GK5: variants seen among roughly 807,000 people sequenced by gnomAD.
GK5 encodes glycerol kinase 5.
GK5 carries 39 observed loss-of-function variants against 77.3 expected under a neutral mutation model. The observed-to-expected ratio is 0.50, with a 90% confidence interval of 0.39 to 0.66. The LOEUF (loss-of-function observed/expected upper bound fraction) is 0.66, where lower values mean the gene tolerates loss of function less well. Among genes scored for constraint, GK5 ranks in the 30% least tolerant of loss-of-function variants. The pLI is 0.00. For missense variants in GK5, 487 were observed against 633.8 expected (o/e 0.77, Z 2.49); for synonymous variants, 211 against 208.0 (o/e 1.01, Z -0.13).
At chr3:142,192,382 T>C (rs1018892678) in intron 5 of GK5, among the ~76,000 whole-genome samples, 1 of 152,240 alleles carries the variant, frequency 6.6e-6, no homozygotes, top group African/African-American at 2.4e-5. Flanking sequence ...TGAAGATTTA[T>C]GTCCAAATAA....
At chr3:142,212,117 CT>C (rs1241941479) in intron 3 of GK5, among the ~76,000 whole-genome samples, 1 of 152,160 alleles carries the variant, frequency 6.6e-6, no homozygotes, top group African/African-American at 2.4e-5. Flanking sequence ...TCTTTTCCCC[CT>C]CTGCTCACTT....
intron 3 of GK5, 136 bp from the exon 4 acceptor site, chr3:142,204,924 T>G (rs2107791763): frequency 6.6e-6 from 4 of 602,246 alleles, no homozygotes; most frequent in Non-Finnish European, 3.0e-6. Context: ...CCTTTCTGAA[T>G]GATTTCTTCT....
intron 14 of GK5, among the ~76,000 whole-genome samples, chr3:142,171,123 C>T (rs1459567915): frequency 4.0e-5 from 6 of 151,834 alleles, no homozygotes; most frequent in Admixed American, 1.3e-4. Context: ...CACAACTACT[C>T]GGGATAGTGA....
chr3:142,200,603 G>A (rs961940399), intron 4 of GK5, among the ~76,000 whole-genome samples: 5 of 152,048 alleles, frequency 3.3e-5, no homozygotes, highest in African/African-American at 1.2e-4. Context: ...ACTAAAATGG[G>A]CAATTCCTCT....
At chr3:142,178,342 G>A (rs1020843484) in intron 11 of GK5, among the ~76,000 whole-genome samples, 2 of 152,044 alleles carry the variant, frequency 1.3e-5, no homozygotes, top group Non-Finnish European at 2.9e-5. Context: ...TAAATAAGGG[G>A]CCAGTAACAG....
intron 4 of GK5, among the ~76,000 whole-genome samples, chr3:142,200,519 C>T (rs1022934641): frequency 2.0e-5 from 3 of 152,144 alleles, no homozygotes; most frequent in Non-Finnish European, 2.9e-5. Context: ...TTTATTAAAA[C>T]ATAAGACTTT....
At chr3:142,222,665 T>C (rs2064368889) in intron 1 of GK5, among the ~76,000 whole-genome samples, 1 of 152,138 alleles carries the variant, frequency 6.6e-6, no homozygotes, top group African/African-American at 2.4e-5. Flanking sequence ...CCCAGAGCTT[T>C]AGGAAGCTGA....
chr3:142,215,726 A>G (rs2064266897), intron 1 of GK5, 34 bp from the exon 2 acceptor site: 7 of 1,084,936 alleles, frequency 6.5e-6, no homozygotes, highest in South Asian at 1.3e-5. Flanking sequence ...TAAAAACAGC[A>G]TTAGATCAAG....
intron 5 of GK5, among the ~76,000 whole-genome samples, chr3:142,188,310 T>A (rs2063802506): frequency 6.6e-6 from 1 of 152,042 alleles, no homozygotes; most frequent in African/African-American, 2.4e-5. Context: ...GGCGGGCGGA[T>A]CATGAGGTCA....
intron 5 of GK5, among the ~76,000 whole-genome samples, chr3:142,197,445 C>T (rs1173701582): frequency 1.3e-5 from 2 of 152,192 alleles, no homozygotes; most frequent in African/African-American, 2.4e-5. Context: ...CAGCTTCTTA[C>T]AGTGACTGTT....
intron 5 of GK5, among the ~76,000 whole-genome samples, chr3:142,192,102 C>A (rs951842785): frequency 6.6e-5 from 10 of 152,148 alleles, no homozygotes; most frequent in Admixed American, 6.5e-4. Context: ...CTCTGTATCA[C>A]AAGGCATTAG....
chr3:142,178,580 T>G (rs1357141626), intron 11 of GK5, among the ~76,000 whole-genome samples: 1 of 152,242 alleles, frequency 6.6e-6, no homozygotes, highest in East Asian at 1.9e-4. Context: ...TCATTCACAC[T>G]GTTACATGTA....
In GK5 at chr3:142,158,571, A is replaced by G. The variant is rs758279405; in HGVS notation, c.*7051T>C. The G allele has an allele frequency of 4.6e-5, 7 of 152,634 alleles. No individual in the cohort carries two copies. Among genetic ancestry groups the G allele is most frequent in the African/African-American group, 1.7e-4 (7 of 41,440 alleles). 9.5% of individuals were successfully genotyped at this position (152,634 alleles called of 1,614,324 possible). Reference sequence around the variant, plus strand: ...TTAACAATGATTTATGAGGTTCTCAATGACAATTTAATAAAACTGCAAAAT... The same window carrying G: ...TTAACAATGATTTATGAGGTTCTCAGTGACAATTTAATAAAACTGCAAAAT... On this transcript the variant is annotated 3_prime_UTR_variant, in exon 16 of 16. Coordinates refer to ENST00000392993, the MANE Select transcript of GK5 (RefSeq NM_001039547.3).
Position 142,185,597 on chromosome 3 carries a change from G to T in GK5, c.816+332C>A, listed in dbSNP as rs981987936. On this transcript the variant is annotated intron_variant, in intron 9 of 15. Coordinates refer to ENST00000392993, the MANE Select transcript of GK5 (RefSeq NM_001039547.3). ...ACATAAATATTCGCCCCATCACTGT[G>T]TTTTGTCTCAGAGTACCAAATGTAA... 13 of 1,114,796 alleles carry T rather than the reference G, an allele frequency of 1.2e-5. No homozygotes were observed. In the African/African-American group the frequency reaches 2.2e-4, roughly 18 times the overall value. 69.1% of individuals were successfully genotyped at this position (1,114,796 alleles called of 1,614,324 possible).
intron 3 of GK5, among the ~76,000 whole-genome samples, chr3:142,209,771 G>A (rs2064167175): frequency 1.3e-5 from 2 of 152,134 alleles, no homozygotes; most frequent in South Asian, 2.1e-4. Flanking sequence ...TTATTCATCT[G>A]TATACGCAGT....
chr3:142,171,515 C>T (rs1228795569), intron 13 of GK5, 37 bp from the exon 14 acceptor site: 1 of 1,280,430 alleles, frequency 7.8e-7, no homozygotes, highest in South Asian at 1.5e-5. Context: ...ATAAGAAATT[C>T]ATATCATAAT....
At chr3:142,198,280 A>G (rs1298290573) in intron 5 of GK5, among the ~76,000 whole-genome samples, 1 of 152,162 alleles carries the variant, frequency 6.6e-6, no homozygotes, top group Non-Finnish European at 1.5e-5. Flanking sequence ...CATAATATTG[A>G]GCAAAAGGAG....
At chr3:142,181,975 C>T (rs190362069) in intron 10 of GK5, among the ~76,000 whole-genome samples, 3 of 152,276 alleles carry the variant, frequency 2.0e-5, no homozygotes, top group Admixed American at 2.0e-4. Context: ...GAGAACTATG[C>T]TATTGTATTT....
intron 5 of GK5, among the ~76,000 whole-genome samples, chr3:142,191,600 G>A (rs1200456600): frequency 6.6e-6 from 1 of 151,912 alleles, no homozygotes; most frequent in East Asian, 2.0e-4. Flanking sequence ...TACTTTGGGA[G>A]GCCGAGGCAG....
Sources: allele counts gnomAD v4.1 joint callset (sites outside exome capture counted in the v4.1 genomes callset), GRCh38; gene constraint gnomAD v4.1.1; transcripts MANE v1.5; gene names NCBI Gene and HGNC (gene_info 2026-07-23, HGNC 2026-07-21).